The following ASTN2 variants were observed in gnomAD, a reference collection of about 807,000 sequenced individuals.
The protein encoded by ASTN2 is astrotactin 2, also known as astrotactin-2.
ASTN2 carries 54 observed loss-of-function variants against 139.8 expected under a neutral mutation model. The ratio of observed to expected loss-of-function variants is 0.39; its 90% CI spans 0.31 to 0.48. The LOEUF (loss-of-function observed/expected upper bound fraction) is 0.48, where lower values mean the gene tolerates loss of function less well. Among genes scored for constraint, ASTN2 ranks in the 20% least tolerant of loss-of-function variants. The pLI, the probability that ASTN2 is intolerant of heterozygous loss-of-function variation, is 0.95. For synonymous variants in ASTN2, 756 were observed against 719.5 expected (o/e 1.05, Z -0.81); for missense variants, 1,565 against 1,725.1 (o/e 0.91, Z 1.64).
intron 19 of ASTN2, among the ~76,000 whole-genome samples, chr9:116,599,745 A>T (rs1225155296): frequency 6.6e-6 from 1 of 152,128 alleles, no homozygotes; most frequent in East Asian, 1.9e-4. Flanking sequence ...GAAGTAATTA[A>T]CCTATATTTT....
At chr9:117,110,474 G>GAAAAT (rs1451122254) in intron 4 of ASTN2, among the ~76,000 whole-genome samples, 2 of 152,058 alleles carry the variant, frequency 1.3e-5, no homozygotes, top group African/African-American at 4.8e-5. Flanking sequence ...AAATAATGTA[G>GAAAAT]AAAATACTTA....
chr9:117,048,238 T>C (rs1343650224), intron 5 of ASTN2, among the ~76,000 whole-genome samples: 1 of 152,216 alleles, frequency 6.6e-6, no homozygotes, highest in Non-Finnish European at 1.5e-5. Flanking sequence ...GGTGAATTTG[T>C]GGTGGCCTCA....
intron 1 of ASTN2, among the ~76,000 whole-genome samples, chr9:117,413,534 G>C (rs1328296929): frequency 1.3e-5 from 2 of 152,216 alleles, no homozygotes; most frequent in African/African-American, 2.4e-5. Context: ...TTTTGTAAAC[G>C]CTCTCCGAGA....
At chr9:116,878,004 T>C (rs1833348976) in intron 10 of ASTN2, among the ~76,000 whole-genome samples, 2 of 152,094 alleles carry the variant, frequency 1.3e-5, no homozygotes, top group South Asian at 2.1e-4. Flanking sequence ...AAAACCACAA[T>C]GGGATACCAT....
At chr9:117,206,693 A>G (rs1405116317) in intron 3 of ASTN2, among the ~76,000 whole-genome samples, 1 of 152,132 alleles carries the variant, frequency 6.6e-6, no homozygotes, top group East Asian at 1.9e-4. Context: ...GAGCAGAGAA[A>G]CCAACCCCCA....
chr9:116,928,215 A>C (rs1485537555), intron 10 of ASTN2, among the ~76,000 whole-genome samples: 2 of 152,210 alleles, frequency 1.3e-5, no homozygotes, highest in Non-Finnish European at 2.9e-5. Context: ...TAGGTCTACC[A>C]GTGTCTATTT....
chr9:117,343,728 C>G (rs1253500259), intron 1 of ASTN2, among the ~76,000 whole-genome samples: 1 of 152,180 alleles, frequency 6.6e-6, no homozygotes, highest in Non-Finnish European at 1.5e-5. Context: ...AGGATCCCAT[C>G]TCTCTACCTC....
intron 16 of ASTN2, among the ~76,000 whole-genome samples, chr9:116,679,847 C>T (rs1423811922): frequency 2.0e-5 from 3 of 152,056 alleles, no homozygotes; most frequent in Non-Finnish European, 4.4e-5. Context: ...CACAACATAC[C>T]AGAATCTCTG....
intron 13 of ASTN2, among the ~76,000 whole-genome samples, chr9:116,785,291 C>G (rs947530533): frequency 1.3e-5 from 2 of 152,142 alleles, no homozygotes; most frequent in Non-Finnish European, 2.9e-5. Context: ...TCTATCTACT[C>G]CCTAGTGAGT....
At chr9:116,569,498 T>C (rs1853403445) in intron 19 of ASTN2, among the ~76,000 whole-genome samples, 1 of 152,204 alleles carries the variant, frequency 6.6e-6, no homozygotes, top group Non-Finnish European at 1.5e-5. Flanking sequence ...ATCTCAAGTG[T>C]TCCTTCCAGC....
At chr9:117,327,569 A>T (rs1828557936) in intron 1 of ASTN2, among the ~76,000 whole-genome samples, 1 of 152,120 alleles carries the variant, frequency 6.6e-6, no homozygotes, top group Non-Finnish European at 1.5e-5. Context: ...TATGTTAAGT[A>T]AAAAATGGGC....
At position 116,965,210 on chromosome 9, in the gene ASTN2, C is replaced by T. The variant is rs141279399; in HGVS notation, c.1889+9998G>A. Among the ~76,000 whole-genome samples the T allele has an allele frequency of 1.1e-3, 163 of 152,272 alleles. 1 individual carries two copies. Among genetic ancestry groups the T allele is most frequent in the Non-Finnish European group, 1.9e-3 (130 of 68,028 alleles). On this transcript the variant is annotated intron_variant, in intron 10 of 22. Coordinates refer to ENST00000313400, the MANE Select transcript of ASTN2 (RefSeq NM_001365068.1). ...ATGTATCTGAGTTGGCATGTAGGCT[C>T]GGTTAATGGCTGCCGTCTTTGATTT...
At chr9:117,181,808 G>A (rs530518447) in intron 3 of ASTN2, among the ~76,000 whole-genome samples, 3 of 152,166 alleles carry the variant, frequency 2.0e-5, no homozygotes, top group African/African-American at 2.4e-5. Flanking sequence ...TATAATGGCC[G>A]TTATCATTCA....
In ASTN2 at chr9:116,677,504, A is replaced by T. The variant is rs1230616138; in HGVS notation, c.2807-25711T>A. On this transcript the variant is annotated intron_variant, in intron 16 of 22. Coordinates refer to ENST00000313400, the MANE Select transcript of ASTN2 (RefSeq NM_001365068.1). ...ACTAGGTAGGAAATATACTTTAAGG[A>T]ATGGCTAATAGCACTTATGGAGGGA... is the stretch of plus-strand genomic sequence containing the variant. Among the ~76,000 whole-genome samples, 4 of 152,126 alleles carry T rather than the reference A, an allele frequency of 2.6e-5. No homozygotes were observed. In the East Asian group the frequency reaches 5.8e-4, roughly 22 times the overall value.
intron 17 of ASTN2, among the ~76,000 whole-genome samples, chr9:116,647,600 T>C (rs547810028): frequency 2.6e-5 from 4 of 152,324 alleles, no homozygotes; most frequent in Admixed American, 1.3e-4. Flanking sequence ...TTGCTATGCA[T>C]GTGCCAAGAA....
intron 3 of ASTN2, among the ~76,000 whole-genome samples, chr9:117,147,999 T>G (rs1287100441): frequency 1.3e-5 from 2 of 152,162 alleles, no homozygotes; most frequent in Non-Finnish European, 2.9e-5. Flanking sequence ...GGAAATCTGG[T>G]GCTGCCTGAA....
At chr9:117,174,750 G>T (rs1178349773) in intron 3 of ASTN2, among the ~76,000 whole-genome samples, 1 of 151,938 alleles carries the variant, frequency 6.6e-6, no homozygotes, top group Non-Finnish European at 1.5e-5. Context: ...TCCAATCACG[G>T]CTTGAAAAAT....
intron 10 of ASTN2, among the ~76,000 whole-genome samples, chr9:116,918,837 A>G (rs1834523173): frequency 6.6e-6 from 1 of 152,226 alleles, no homozygotes; most frequent in African/African-American, 2.4e-5. Flanking sequence ...ACAAAATTTT[A>G]AAAAGCAAAC....
At chr9:117,170,621 C>T (rs1588038156) in intron 3 of ASTN2, among the ~76,000 whole-genome samples, 1 of 152,042 alleles carries the variant, frequency 6.6e-6, no homozygotes, top group African/African-American at 2.4e-5. Context: ...AATGAGAAGG[C>T]CTGGGGAGAC....
Sources: allele counts gnomAD v4.1 joint callset (sites outside exome capture counted in the v4.1 genomes callset), GRCh38; gene constraint gnomAD v4.1.1; transcripts MANE v1.5; gene names NCBI Gene and HGNC (gene_info 2026-07-23, HGNC 2026-07-21).